WDR7: variants seen among roughly 807,000 people sequenced by gnomAD.
WDR7 encodes WD repeat domain 7, also known as WD repeat-containing protein 7.
Under a neutral mutation model 169.4 loss-of-function variants are expected in WDR7, and 46 were observed. The ratio of observed to expected loss-of-function variants is 0.27; its 90% CI spans 0.21 to 0.35. The LOEUF is 0.35. Among genes scored for constraint, WDR7 ranks in the 10% least tolerant of loss-of-function variants. The pLI is 1.00. For missense variants in WDR7, 1,534 were observed against 1,859.3 expected, an observed-to-expected ratio of 0.83 and a Z score of 3.22; for synonymous variants, 612 against 666.8, an observed-to-expected ratio of 0.92 and a Z score of 1.27.
At chr18:56,757,731 G>A (rs1384424297) in intron 15 of WDR7, among the ~76,000 whole-genome samples, 2 of 152,098 alleles carry the variant, frequency 1.3e-5, no homozygotes, top group Non-Finnish European at 2.9e-5. Context: ...CAGCACTTTG[G>A]GAGGCTGAGG....
chr18:56,854,590 T>C (rs2045690546), intron 20 of WDR7, among the ~76,000 whole-genome samples: 1 of 152,226 alleles, frequency 6.6e-6, no homozygotes, highest in Non-Finnish European at 1.5e-5. Flanking sequence ...AGAAAAGGTA[T>C]GCTCTAATGC....
intron 12 of WDR7, among the ~76,000 whole-genome samples, chr18:56,714,208 A>G (rs1207167771): frequency 6.6e-6 from 1 of 152,174 alleles, no homozygotes; most frequent in African/African-American, 2.4e-5. Flanking sequence ...TTGAAAGAAG[A>G]AAAATTAGAT....
chr18:57,026,380 C>T (rs1462194346), intron 27 of WDR7, among the ~76,000 whole-genome samples: 1 of 152,186 alleles, frequency 6.6e-6, no homozygotes. Flanking sequence ...CAGTGAGGCA[C>T]AGACATAGTG....
At chr18:56,835,065 A>G (rs2045375140) in intron 20 of WDR7, among the ~76,000 whole-genome samples, 1 of 152,110 alleles carries the variant, frequency 6.6e-6, no homozygotes, top group Non-Finnish European at 1.5e-5. Context: ...ACTCTCCAAT[A>G]TGGTTTTTCA....
chr18:56,822,468 A>G (rs1278619392), intron 20 of WDR7, among the ~76,000 whole-genome samples: 1 of 152,220 alleles, frequency 6.6e-6, no homozygotes, highest in Non-Finnish European at 1.5e-5. Flanking sequence ...GTTCTGAATG[A>G]AAGATAGGAA....
chr18:56,790,338 A>T (rs976017987), intron 19 of WDR7, among the ~76,000 whole-genome samples: 3 of 152,178 alleles, frequency 2.0e-5, no homozygotes, highest in African/African-American at 7.2e-5. Flanking sequence ...ATTGTGAGGC[A>T]TTTATAATTT....
chr18:56,727,252 TC>T (rs1163503031), intron 13 of WDR7, among the ~76,000 whole-genome samples: 5 of 152,232 alleles, frequency 3.3e-5, no homozygotes, highest in Admixed American at 3.3e-4. Context: ...AGAAGTCTTT[TC>T]TGCTAATTTG....
At chr18:56,691,155 C>A in intron 7 of WDR7, 61 bp from the exon 8 acceptor site, 1 of 1,542,792 alleles carries the variant, frequency 6.5e-7, no homozygotes, top group South Asian at 1.3e-5. Context: ...CTTGAAATGT[C>A]ACTGGATCTT....
intron 2 of WDR7, 82 bp from the exon 3 acceptor site, chr18:56,679,250 T>TG (rs2025307524): frequency 4.4e-6 from 5 of 1,149,096 alleles, no homozygotes; most frequent in Non-Finnish European, 6.3e-6. Flanking sequence ...AGTCTTCTAT[T>TG]TTACTATGGC....
At chr18:56,717,342 G>C (rs993617616) in intron 12 of WDR7, among the ~76,000 whole-genome samples, 2 of 152,190 alleles carry the variant, frequency 1.3e-5, no homozygotes, top group Non-Finnish European at 2.9e-5. Flanking sequence ...GAGGTGAGCA[G>C]AAAATACACA....
intron 19 of WDR7, among the ~76,000 whole-genome samples, chr18:56,806,746 G>C (rs1392661178): frequency 6.6e-6 from 1 of 152,110 alleles, no homozygotes; most frequent in East Asian, 1.9e-4. Flanking sequence ...GTATGTCTTT[G>C]TACTTTTGTG....
chr18:56,877,271 CAAG>C (rs1011016595), intron 20 of WDR7, among the ~76,000 whole-genome samples: 3 of 151,934 alleles, frequency 2.0e-5, no homozygotes, highest in African/African-American at 7.3e-5. Flanking sequence ...AGAAATGACT[CAAG>C]AAGAAGAAAG....
intron 19 of WDR7, among the ~76,000 whole-genome samples, chr18:56,806,375 A>T (rs759862581): frequency 2.6e-5 from 4 of 152,204 alleles, no homozygotes; most frequent in South Asian, 2.1e-4. Context: ...TCTTTAAAAA[A>T]ATATATAGAT....
chr18:56,845,218 C>A (rs1470072813), intron 20 of WDR7, among the ~76,000 whole-genome samples: 3 of 151,928 alleles, frequency 2.0e-5, no homozygotes, highest in Non-Finnish European at 4.4e-5. Context: ...CTTTACTAAC[C>A]AAAAGATTTT....
At chr18:56,934,298 C>A (rs950681663) in intron 22 of WDR7, among the ~76,000 whole-genome samples, 1 of 152,088 alleles carries the variant, frequency 6.6e-6, no homozygotes, top group African/African-American at 2.4e-5. Context: ...TGCAGTTAGC[C>A]AAGTTTAATC....
At chr18:56,820,834 C>T (rs1440122107) in intron 20 of WDR7, among the ~76,000 whole-genome samples, 1 of 152,066 alleles carries the variant, frequency 6.6e-6, no homozygotes, top group Non-Finnish European at 1.5e-5. Context: ...TAGAGACTAG[C>T]TTATGTTCTC....
intron 24 of WDR7, 28 bp downstream of exon 24, chr18:56,938,710 A>T (rs751202331): frequency 3.4e-5 from 54 of 1,610,492 alleles, no homozygotes; most frequent in Middle Eastern, 1.6e-4. Flanking sequence ...TAAATGATCC[A>T]TCAGCAACCT....
intron 1 of WDR7, among the ~76,000 whole-genome samples, chr18:56,672,296 G>A (rs191594556): frequency 4.5e-4 from 68 of 151,822 alleles, no homozygotes; most frequent in Middle Eastern, 3.4e-3. Context: ...TGTTGATTGT[G>A]TATTATTTTG....
intron 12 of WDR7, among the ~76,000 whole-genome samples, chr18:56,705,268 C>CT (rs1371897639): frequency 1.3e-5 from 2 of 151,472 alleles, no homozygotes; most frequent in Non-Finnish European, 2.9e-5. Flanking sequence ...ATTTCAGGCA[C>CT]TTTCTAGAAC....
Sources: gnomAD v4.1 joint callset for allele counts (sites outside exome capture counted in the v4.1 genomes callset) on GRCh38, gnomAD v4.1.1 for gene constraint, MANE v1.5 for transcripts, NCBI Gene and HGNC (gene_info 2026-07-23, HGNC 2026-07-21) for gene names.